Variants in ABCA1 observed in about 807,000 individuals in gnomAD.
ABCA1 encodes ATP binding cassette subfamily A member 1, also known as phospholipid-transporting ATPase ABCA1.
A neutral mutation model predicts 262.5 loss-of-function variants in ABCA1; 133 were observed. The observed-to-expected ratio is 0.51, with a 90% confidence interval of 0.44 to 0.59. The LOEUF (loss-of-function observed/expected upper bound fraction) is 0.59, where lower values mean the gene tolerates loss of function less well. ABCA1 is among the 20% of genes least tolerant of loss of function. The pLI is 0.00. For synonymous variants in ABCA1, 1,022 were observed against 1,043.5 expected (o/e 0.98, Z 0.40); for missense variants, 2,452 against 2,777.5 (o/e 0.88, Z 2.63).
chr9:104,796,392 A>G lies in ABCA1; in HGVS notation c.5154T>C (p.Ile1718=), dbSNP rs1470657153. 1.2e-6 allele frequency: 2 copies of G among 1,614,214 alleles called. No homozygotes were observed. The highest frequency in any genetic ancestry group is 1.7e-6 in the Non-Finnish European group (2 of 1,180,030). Reference sequence around the variant, plus strand: ...TCTGCTGGAAGCAGATGAAGATGATAATGACCAGTGTGGCAGGGACAACGT... The same window carrying G: ...TCTGCTGGAAGCAGATGAAGATGATGATGACCAGTGTGGCAGGGACAACGT... ...CNYVVPATLV[I]IIFICFQQKS... The change falls in exon 38 of 50, where the codon ATT becomes ATC. Residue 1718 remains isoleucine (I), a synonymous_variant. Transcript: ENST00000374736.
Position 104,838,141 on chromosome 9 carries a change from C to A in ABCA1, c.1055-574G>T, listed in dbSNP as rs1833989736. On this transcript the variant is annotated intron_variant, in intron 9 of 49. Transcript: ENST00000374736. ...GGGAGTTCGAGACCAGCCTGACCAA[C>A]ATGGAGAAACCCTGTCTCTACTAAA... is the stretch of plus-strand genomic sequence containing the variant. 2.0e-5 allele frequency among the ~76,000 whole-genome samples: 3 copies of A among 151,948 alleles called. No individual in the cohort carries two copies. The South Asian group carries it at 6.2e-4, about 32-fold the overall frequency.
At chr9:104,872,121 T>C (rs1207209023) in intron 5 of ABCA1, among the ~76,000 whole-genome samples, 1 of 152,248 alleles carries the variant, frequency 6.6e-6, no homozygotes, top group African/African-American at 2.4e-5. Context: ...AAGTGACTCA[T>C]ATTTACCAAG....
rs1588450512 is a variant in ABCA1, at chr9:104,866,222, C to G, written c.422-4422G>C. Among the ~76,000 whole-genome samples the G allele has an allele frequency of 3.9e-5, 6 of 152,196 alleles. No homozygotes were observed. The South Asian group carries it at 1.2e-3, about 32-fold the overall frequency. ...GAAGAGATTTCTCAAAACCTCAGAT[C>G]TGGGTAGTAGGAAGGGGAGAAAAAA... On this transcript the variant is annotated intron_variant, in intron 5 of 49. Transcript: ENST00000374736.
chr9:104,862,699 C>CAGGGCAG (rs1836713677), intron 5 of ABCA1, among the ~76,000 whole-genome samples: 2 of 8,462 alleles, frequency 2.4e-4, no homozygotes, highest in African/African-American at 6.9e-4. Flanking sequence ...CGGGCCGGGC[C>CAGGGCAG]GGCCCCCACC....
intron 36 of ABCA1, 141 bp downstream of exon 36, chr9:104,799,678 C>T: frequency 1.3e-6 from 2 of 1,547,110 alleles, no homozygotes; most frequent in South Asian, 2.4e-5. Flanking sequence ...CACTTCTGCC[C>T]AGAGCCTGGA....
intron 21 of ABCA1, 94 bp downstream of exon 21, chr9:104,819,833 A>ACT (rs1022714531): frequency 6.2e-7 from 1 of 1,609,904 alleles, no homozygotes; most frequent in Non-Finnish European, 8.5e-7. Context: ...AACCGCACCC[A>ACT]GCCTGGGACC....
At chr9:104,862,674 C>CAGGGCAGGGCAGGGCAGGGCA (rs1836663726) in intron 5 of ABCA1, among the ~76,000 whole-genome samples, 1 of 9,212 alleles carries the variant, frequency 1.1e-4, no homozygotes, top group African/African-American at 4.5e-4. Flanking sequence ...CGGGCCGGGC[C>CAGGGCAGGGCAGGGCAGGGCA]GGGCCGGGCC....
chr9:104,849,179 C>T (rs1429801143), intron 7 of ABCA1, among the ~76,000 whole-genome samples: 2 of 152,230 alleles, frequency 1.3e-5, no homozygotes, highest in Non-Finnish European at 2.9e-5. Flanking sequence ...AAAAGCCCCA[C>T]ACTTCAGCAA....
At chr9:104,825,590 C>T in intron 17 of ABCA1, 93 bp downstream of exon 17, 2 of 1,338,648 alleles carry the variant, frequency 1.5e-6, no homozygotes, top group South Asian at 2.4e-5. Context: ...AAACCACTTC[C>T]CAGGGAAGCC....
intron 1 of ABCA1, among the ~76,000 whole-genome samples, chr9:104,916,052 G>A (rs2118509248): frequency 6.6e-6 from 1 of 152,098 alleles, no homozygotes; most frequent in East Asian, 1.9e-4. Context: ...AAATGTGACT[G>A]GAATTGTAAA....
At chr9:104,901,594 A>T (rs1840672822) in intron 2 of ABCA1, among the ~76,000 whole-genome samples, 1 of 152,194 alleles carries the variant, frequency 6.6e-6, no homozygotes, top group South Asian at 2.1e-4. Context: ...GGACTGGAAC[A>T]CCAAGACCTG....
At chr9:104,876,692 GCAACAA>G (rs1401313403) in intron 5 of ABCA1, among the ~76,000 whole-genome samples, 1 of 152,190 alleles carries the variant, frequency 6.6e-6, no homozygotes, top group Non-Finnish European at 1.5e-5. Context: ...ATTCTCAGCA[GCAACAA>G]CCCCATCAGA....
chr9:104,877,570 G>A (rs533258269), intron 5 of ABCA1, among the ~76,000 whole-genome samples: 5 of 152,274 alleles, frequency 3.3e-5, no homozygotes, highest in Non-Finnish European at 7.3e-5. Flanking sequence ...CAGAGAGGCC[G>A]AACAAGTGGC....
intron 2 of ABCA1, among the ~76,000 whole-genome samples, chr9:104,893,567 T>C (rs3847304): frequency 0.21 from 31,992 of 151,606 alleles, 3,558 homozygotes; most frequent in South Asian, 0.39. Flanking sequence ...ACTTTAAGGA[T>C]AAATAGTAGC....
intron 44 of ABCA1, 59 bp from the exon 45 acceptor site, chr9:104,788,626 A>G: frequency 6.3e-7 from 1 of 1,582,584 alleles, no homozygotes; most frequent in East Asian, 2.2e-5. Flanking sequence ...CTGGTTAGAC[A>G]ATCTGGCCTA....
intron 11 of ABCA1, among the ~76,000 whole-genome samples, chr9:104,836,435 T>G (rs1833824956): frequency 1.3e-5 from 2 of 152,222 alleles, no homozygotes. Context: ...ATTCTGTTCT[T>G]GCTCAGCCTG....
Position 104,862,679 on chromosome 9 carries a change from C to CA in ABCA1, c.422-880_422-879insT, listed in dbSNP as rs1564199103. ...CGGGCCGGGCCGGGCCGGGCCGGGC[C>CA]GGGCCGGGCCGGGCCGGGCCGGCCC... On this transcript the variant is annotated intron_variant, in intron 5 of 49. Coordinates refer to ENST00000374736, the MANE Select transcript of ABCA1 (RefSeq NM_005502.4). Among the ~76,000 whole-genome samples, 20 of 9,474 alleles carry CA rather than the reference C, an allele frequency of 2.1e-3. 3 individuals are homozygous for CA. Among genetic ancestry groups the CA allele is most frequent in the African/African-American group, 7.9e-3 (20 of 2,546 alleles). The allele number at this position is 9,474 out of a possible 152,430, so 6.2% of individuals were successfully genotyped here. A position where few individuals can be genotyped will look rare whatever the true frequency, so the allele number is the denominator to read the frequency against.
At position 104,809,465 on chromosome 9, in the gene ABCA1, C is replaced by G; in HGVS notation, c.4274+1G>C. On this transcript the variant is annotated splice_donor_variant, in intron 30 of 49. Coordinates refer to ENST00000374736, the MANE Select transcript of ABCA1 (RefSeq NM_005502.4). LOFTEE classifies it high-confidence loss of function. ...CTGCTTATGGCTAAAGTGGCACTCACGGGATTGGGTTTCCTTCCATACAGC... is the reference window on the plus strand; with the variant it reads ...CTGCTTATGGCTAAAGTGGCACTCAGGGGATTGGGTTTCCTTCCATACAGC... The G allele has an allele frequency of 6.2e-7, 1 of 1,614,108 alleles. No individual in the cohort carries two copies. The highest frequency in any genetic ancestry group is 8.5e-7 in the Non-Finnish European group (1 of 1,179,972).
At chr9:104,832,385 T>C (rs1047041819) in intron 12 of ABCA1, among the ~76,000 whole-genome samples, 189 bp downstream of exon 12, 5 of 152,224 alleles carry the variant, frequency 3.3e-5, no homozygotes, top group African/African-American at 1.2e-4. Flanking sequence ...GTTTATTTAC[T>C]CATTCAACCA....
Sources: gnomAD v4.1 joint callset for allele counts (sites outside exome capture counted in the v4.1 genomes callset) on GRCh38, gnomAD v4.1.1 for gene constraint, MANE v1.5 for transcripts, NCBI Gene and HGNC (gene_info 2026-07-23, HGNC 2026-07-21) for gene names.